Variants in ENTHD1 observed in about 807,000 individuals in gnomAD.
ENTHD1 encodes ENTH domain-containing protein 1.
In ENTHD1, 23 loss-of-function variants were observed where a neutral mutation model predicts 39.1. That is an observed-to-expected ratio of 0.59 (90% CI 0.42 to 0.83). ENTHD1 has a LOEUF of 0.83. Among genes scored for constraint, ENTHD1 ranks in the 40% least tolerant of loss-of-function variants. The pLI is 0.00. For synonymous variants in ENTHD1, 230 were observed against 258.2 expected (o/e 0.89, Z 1.05); for missense variants, 624 against 705.4 (o/e 0.88, Z 1.31).
intron 3 of ENTHD1, among the ~76,000 whole-genome samples, chr22:39,837,229 C>T (rs1260638201): frequency 6.6e-6 from 1 of 152,122 alleles, no homozygotes; most frequent in East Asian, 1.9e-4. Flanking sequence ...GGTATATACA[C>T]ACTACTGGAG....
intron 2 of ENTHD1, among the ~76,000 whole-genome samples, chr22:39,865,294 T>C (rs1386052613): frequency 6.6e-6 from 1 of 151,938 alleles, no homozygotes; most frequent in Non-Finnish European, 1.5e-5. Flanking sequence ...GCCACAGCAG[T>C]TCACCAAACA....
intron 5 of ENTHD1, among the ~76,000 whole-genome samples, chr22:39,787,156 A>C (rs1311303372): frequency 6.6e-6 from 1 of 152,092 alleles, no homozygotes; most frequent in Non-Finnish European, 1.5e-5. Context: ...ATTTTTCTAC[A>C]GTAATCATTT....
At position 39,795,506 on chromosome 22, in the gene ENTHD1, T is replaced by C. The variant is rs184175276; in HGVS notation, c.832+25487A>G. Among the ~76,000 whole-genome samples, 23 of 151,882 alleles carry C rather than the reference T, an allele frequency of 1.5e-4. No individual in the cohort carries two copies. The East Asian group carries it at 4.1e-3, about 27-fold the overall frequency. ...AGTGGTGTGATCATGGCTCACTATA[T>C]AGCCTTGACCTTCTGGGCTCAAGCA... On this transcript the variant is annotated intron_variant, in intron 5 of 6. Transcript: ENST00000325157.
At chr22:39,772,535 A>C (rs759006489) in intron 5 of ENTHD1, among the ~76,000 whole-genome samples, 1 of 152,208 alleles carries the variant, frequency 6.6e-6, no homozygotes, top group Non-Finnish European at 1.5e-5. Flanking sequence ...GGTAAAGTGG[A>C]ATTCTAAAAA....
intron 4 of ENTHD1, among the ~76,000 whole-genome samples, chr22:39,826,228 A>T (rs1394176577): frequency 6.6e-6 from 1 of 152,062 alleles, no homozygotes; most frequent in Non-Finnish European, 1.5e-5. Context: ...AGCTGAAGCA[A>T]TTGTAGTGGT....
chr22:39,768,816 C>T (rs1210459276), intron 5 of ENTHD1, among the ~76,000 whole-genome samples: 1 of 151,892 alleles, frequency 6.6e-6, no homozygotes, highest in Non-Finnish European at 1.5e-5. Flanking sequence ...AATGGTCCAT[C>T]AAGAAATCAT....
rs189963342 is a variant in ENTHD1 at position 39,845,180 on chromosome 22, A to G, written c.593-9222T>C. Among the ~76,000 whole-genome samples, 364 of 152,128 alleles carry G rather than the reference A, an allele frequency of 2.4e-3. 1 individual carries two copies. Among genetic ancestry groups the G allele is most frequent in the African/African-American group, 8.6e-3 (357 of 41,420 alleles). The stretch of plus-strand genomic sequence containing the variant: ...ATCACTAAGTGTTTCTGAACAAACA[A>G]CAGCCAAAGTTTATTGTGCTGACTC... On this transcript the variant is annotated intron_variant, in intron 3 of 6. Coordinates refer to ENST00000325157, the MANE Select transcript of ENTHD1 (RefSeq NM_152512.4).
At chr22:39,835,011 A>G (rs935071499) in intron 4 of ENTHD1, among the ~76,000 whole-genome samples, 5 of 152,178 alleles carry the variant, frequency 3.3e-5, no homozygotes, top group South Asian at 2.1e-4. Flanking sequence ...GTGGTGATGG[A>G]ACAGTTCTAT....
At chr22:39,820,723 A>T (rs1160790039) in intron 5 of ENTHD1, among the ~76,000 whole-genome samples, 1 of 152,238 alleles carries the variant, frequency 6.6e-6, no homozygotes, top group African/African-American at 2.4e-5. Flanking sequence ...AACAGGAACT[A>T]AAATTAATTT....
rs541719160 is a variant in ENTHD1, at chr22:39,804,920, C to G, written c.832+16073G>C. On this transcript the variant is annotated intron_variant, in intron 5 of 6. Transcript: ENST00000325157. ...CATGCCCACCCCTCCATATAAGCTT[C>G]TAGCCCAGACTGAGAATCCTGAGGA... Among the ~76,000 whole-genome samples the G allele has an allele frequency of 4.6e-5, 7 of 151,502 alleles. No individual in the cohort carries two copies. In the South Asian group the frequency reaches 1.5e-3, roughly 32 times the overall value.
chr22:39,848,371 A>G (rs910729248), intron 3 of ENTHD1, among the ~76,000 whole-genome samples: 18 of 151,600 alleles, frequency 1.2e-4, no homozygotes, highest in African/African-American at 3.9e-4. Flanking sequence ...CTCCTGCCTC[A>G]GCCTCCAGAG....
intron 5 of ENTHD1, among the ~76,000 whole-genome samples, chr22:39,804,794 T>C (rs1393049004): frequency 2.0e-5 from 3 of 152,140 alleles, no homozygotes; most frequent in African/African-American, 4.8e-5. Flanking sequence ...GGAAGGCACA[T>C]GATGTGTCTA....
intron 4 of ENTHD1, among the ~76,000 whole-genome samples, chr22:39,832,967 C>T (rs1040659045): frequency 2.0e-5 from 3 of 152,128 alleles, no homozygotes; most frequent in Non-Finnish European, 4.4e-5. Flanking sequence ...GAGTACCTTC[C>T]AGTCTGTGCA....
At chr22:39,825,247 T>C (rs546374395) in intron 4 of ENTHD1, among the ~76,000 whole-genome samples, 1 of 152,336 alleles carries the variant, frequency 6.6e-6, no homozygotes, top group Non-Finnish European at 1.5e-5. Flanking sequence ...GTATTTCAAA[T>C]GGTATTGTCT....
chr22:39,875,895 T>C (rs2066285437), intron 2 of ENTHD1: 2 of 1,613,856 alleles, frequency 1.2e-6, no homozygotes, highest in African/African-American at 1.3e-5. Flanking sequence ...CAGCATGATC[T>C]AGATCGAGTA....
At chr22:39,880,973 T>A (rs994810374) in intron 2 of ENTHD1, among the ~76,000 whole-genome samples, 1 of 152,256 alleles carries the variant, frequency 6.6e-6, no homozygotes, top group Non-Finnish European at 1.5e-5. Context: ...ATTCAACCTC[T>A]GTGCACCTTG....
At chr22:39,748,039 A>AGGAAT (rs2065119688) in intron 6 of ENTHD1, among the ~76,000 whole-genome samples, 1 of 152,126 alleles carries the variant, frequency 6.6e-6, no homozygotes, top group South Asian at 2.1e-4. Flanking sequence ...GCTTGGGCCC[A>AGGAAT]GGAATTTGAG....
At chr22:39,875,958 T>C (rs949384443) in intron 2 of ENTHD1, 5 of 1,613,986 alleles carry the variant, frequency 3.1e-6, no homozygotes, top group Non-Finnish European at 4.2e-6. Context: ...CTTGGTTGTG[T>C]ACCCATTGCA....
At chr22:39,831,073 GTCAAT>G (rs1344714316) in intron 4 of ENTHD1, among the ~76,000 whole-genome samples, 2 of 152,350 alleles carry the variant, frequency 1.3e-5, no homozygotes, top group East Asian at 3.9e-4. Context: ...AGGCTACAGT[GTCAAT>G]TCAAGATAGG....
Sources: gnomAD v4.1 joint callset for allele counts (sites outside exome capture counted in the v4.1 genomes callset) on GRCh38, gnomAD v4.1.1 for gene constraint, MANE v1.5 for transcripts, NCBI Gene and HGNC (gene_info 2026-07-23, HGNC 2026-07-21) for gene names.